CTDSPL: variants seen among roughly 807,000 people sequenced by gnomAD.
CTDSPL encodes the protein CTD small phosphatase like.
CTDSPL carries 8 observed loss-of-function variants against 30.5 expected under a neutral mutation model. That is an observed-to-expected ratio of 0.26 (90% CI 0.15 to 0.47). The LOEUF is 0.47. Ranked by LOEUF, CTDSPL falls within the 20% of genes least tolerant of loss-of-function variation. The pLI, the probability that CTDSPL is intolerant of heterozygous loss-of-function variation, is 0.99. For synonymous variants in CTDSPL, 110 were observed against 137.9 expected, an observed-to-expected ratio of 0.80 and a Z score of 1.42; for missense variants, 248 against 366.1, an observed-to-expected ratio of 0.68 and a Z score of 2.63.
At chr3:37,868,417 A>G (rs537201211) in intron 1 of CTDSPL, among the ~76,000 whole-genome samples, 13 of 152,216 alleles carry the variant, frequency 8.5e-5, no homozygotes, top group Non-Finnish European at 7.4e-5. Flanking sequence ...AAATTTTGAT[A>G]AGGTGCAATA....
At chr3:37,879,305 A>G (rs1046201383) in intron 1 of CTDSPL, among the ~76,000 whole-genome samples, 4 of 152,214 alleles carry the variant, frequency 2.6e-5, no homozygotes, top group Non-Finnish European at 5.9e-5. Flanking sequence ...AGACTGGACA[A>G]GTGGCTAACA....
intron 1 of CTDSPL, among the ~76,000 whole-genome samples, chr3:37,864,591 A>G (rs1204443184): frequency 6.6e-6 from 1 of 152,128 alleles, no homozygotes; most frequent in Non-Finnish European, 1.5e-5. Flanking sequence ...AATTTTGGTT[A>G]CCTATAATGT....
chr3:37,972,400 G>A (rs1382233873), intron 6 of CTDSPL, among the ~76,000 whole-genome samples: 1 of 152,160 alleles, frequency 6.6e-6, no homozygotes, highest in Non-Finnish European at 1.5e-5. Flanking sequence ...GCTGAGGCAC[G>A]AGAATTGCTT....
intron 5 of CTDSPL, chr3:37,968,350 A>G (rs1192367073): frequency 1.0e-5 from 4 of 399,748 alleles, no homozygotes; most frequent in East Asian, 1.6e-4. Flanking sequence ...TTTAGCAAAT[A>G]CCCACCCCAA....
At chr3:37,967,209 C>T (rs1559647056) in intron 4 of CTDSPL, among the ~76,000 whole-genome samples, 1 of 152,136 alleles carries the variant, frequency 6.6e-6, no homozygotes, top group Non-Finnish European at 1.5e-5. Flanking sequence ...CAGTACTGGA[C>T]TGGGGCCATG....
chr3:37,903,665 C>T (rs1008612394), intron 1 of CTDSPL, among the ~76,000 whole-genome samples: 11 of 152,220 alleles, frequency 7.2e-5, no homozygotes, highest in Admixed American at 6.5e-5. Flanking sequence ...GGATGTACCG[C>T]ACCTGCCACA....
intron 3 of CTDSPL, among the ~76,000 whole-genome samples, chr3:37,962,861 C>T (rs977983517): frequency 7.2e-5 from 11 of 152,130 alleles, no homozygotes; most frequent in Admixed American, 6.5e-5. Flanking sequence ...AATAAAAATT[C>T]AAACAAATTT....
intron 7 of CTDSPL, among the ~76,000 whole-genome samples, chr3:37,980,102 A>G (rs975540833): frequency 1.2e-4 from 19 of 152,082 alleles, no homozygotes; most frequent in African/African-American, 4.6e-4. Context: ...GGTTTATTCA[A>G]ATTTGTTTAT....
At chr3:37,944,865 TACTG>T (rs1412725661) in intron 1 of CTDSPL, 1 of 150,610 alleles carries the variant, frequency 6.6e-6, no homozygotes, top group African/African-American at 2.4e-5. Flanking sequence ...ATAACTAATT[TACTG>T]ACTCCGTTAG....
chr3:37,881,858 AGG>A (rs1698208862), intron 1 of CTDSPL, among the ~76,000 whole-genome samples: 1 of 152,222 alleles, frequency 6.6e-6, no homozygotes, highest in African/African-American at 2.4e-5. Flanking sequence ...GGGATCAGGA[AGG>A]GGTACACAGG....
intron 1 of CTDSPL, among the ~76,000 whole-genome samples, chr3:37,900,833 C>T (rs1162422612): frequency 6.6e-6 from 1 of 152,148 alleles, no homozygotes; most frequent in African/African-American, 2.4e-5. Flanking sequence ...AAGTCTCGCT[C>T]TGTTGCCCAG....
intron 4 of CTDSPL, 29 bp downstream of exon 4, chr3:37,964,701 A>T: frequency 6.6e-7 from 1 of 1,504,552 alleles, no homozygotes; most frequent in Non-Finnish European, 9.2e-7. Flanking sequence ...AAAATCCATG[A>T]TCTTTGTGAT....
intron 1 of CTDSPL, among the ~76,000 whole-genome samples, chr3:37,886,569 A>G (rs1698265675): frequency 6.6e-6 from 1 of 152,196 alleles, no homozygotes. Flanking sequence ...AGTTGAACCT[A>G]TTCCCCTGAT....
At chr3:37,901,775 T>G (rs1425336865) in intron 1 of CTDSPL, among the ~76,000 whole-genome samples, 1 of 152,088 alleles carries the variant, frequency 6.6e-6, no homozygotes, top group Non-Finnish European at 1.5e-5. Context: ...CTTAGGCAGG[T>G]GTATGCAACC....
intron 1 of CTDSPL, among the ~76,000 whole-genome samples, chr3:37,944,334 A>T (rs1322714366): frequency 1.3e-5 from 2 of 150,328 alleles, no homozygotes; most frequent in Non-Finnish European, 3.0e-5. Flanking sequence ...GATATACAAT[A>T]ATATATATTA....
intron 1 of CTDSPL, among the ~76,000 whole-genome samples, chr3:37,885,725 G>A (rs1280785349): frequency 6.6e-6 from 1 of 152,150 alleles, no homozygotes; most frequent in Non-Finnish European, 1.5e-5. Flanking sequence ...GGGGTCTGGG[G>A]TACAGGTGAG....
At chr3:37,919,141 G>T (rs1698685137) in intron 1 of CTDSPL, among the ~76,000 whole-genome samples, 1 of 152,056 alleles carries the variant, frequency 6.6e-6, no homozygotes, top group African/African-American at 2.4e-5. Flanking sequence ...TTTTCAGTTT[G>T]TGTTTTATAT....
At position 37,897,412 on chromosome 3, in the gene CTDSPL, T is replaced by G. The variant is rs116485420; in HGVS notation, c.79+35134T>G. ...TATTGATTTTTTTCCCAATTTAAAA[T>G]GATACTCTTCACAGAATGCTTACGT... On this transcript the variant is annotated intron_variant, in intron 1 of 7. Transcript: ENST00000273179. 6.0e-3 allele frequency among the ~76,000 whole-genome samples: 913 copies of G among 152,280 alleles called. 3 individuals carry two copies. The highest frequency in any genetic ancestry group is 0.027 in the Middle Eastern group (8 of 294).
Position 37,981,128 on chromosome 3 carries a change from A to T in CTDSPL, c.*261A>T. 5.3e-6 allele frequency: 1 copy of T among 189,096 alleles called. No homozygotes were observed. Among genetic ancestry groups the T allele is most frequent in the Non-Finnish European group, 1.1e-5 (1 of 93,412 alleles). The allele number at this position is 189,096 out of a possible 1,614,324, so 11.7% of individuals were successfully genotyped here. Reference sequence around the variant, plus strand: ...AAAACATACCAAAAAAGAAAAAAATAGAAAAAAAAAAAAAAAAAGCTTGAT... The same window carrying T: ...AAAACATACCAAAAAAGAAAAAAATTGAAAAAAAAAAAAAAAAAGCTTGAT... On this transcript the variant is annotated 3_prime_UTR_variant, in exon 8 of 8. Transcript: ENST00000273179.
Sources: allele counts gnomAD v4.1 joint callset (sites outside exome capture counted in the v4.1 genomes callset), GRCh38; gene constraint gnomAD v4.1.1; transcripts MANE v1.5; gene names NCBI Gene and HGNC (gene_info 2026-07-23, HGNC 2026-07-21).